Variants in NAALADL2 observed in about 807,000 individuals in gnomAD.
NAALADL2 encodes the protein N-acetylated alpha-linked acidic dipeptidase like 2.
Under a neutral mutation model 87.2 loss-of-function variants are expected in NAALADL2, and 76 were observed. The ratio of observed to expected loss-of-function variants is 0.87; its 90% CI spans 0.72 to 1.05. The LOEUF (loss-of-function observed/expected upper bound fraction) is 1.05, where lower values mean the gene tolerates loss of function less well. NAALADL2 is among the 50% of genes least tolerant of loss of function. The pLI is 0.00. For missense variants in NAALADL2, 1,089 were observed against 945.8 expected, an observed-to-expected ratio of 1.15 and a Z score of -1.99; for synonymous variants, 354 against 331.0, an observed-to-expected ratio of 1.07 and a Z score of -0.75.
At chr3:175,374,048 T>C (rs1046784944) in intron 5 of NAALADL2, among the ~76,000 whole-genome samples, 3 of 152,150 alleles carry the variant, frequency 2.0e-5, no homozygotes, top group Non-Finnish European at 2.9e-5. Context: ...ATGCAAGCCA[T>C]TTGTCAGATA....
chr3:175,385,663 T>A (rs1182163853), intron 5 of NAALADL2, among the ~76,000 whole-genome samples: 5 of 152,124 alleles, frequency 3.3e-5, no homozygotes, highest in Non-Finnish European at 7.4e-5. Flanking sequence ...GATAAATATT[T>A]CAGGTGACGG....
At chr3:175,357,048 A>C (rs1298837218) in intron 5 of NAALADL2, among the ~76,000 whole-genome samples, 1 of 152,046 alleles carries the variant, frequency 6.6e-6, no homozygotes, top group African/African-American at 2.4e-5. Flanking sequence ...TCAATCATTT[A>C]TCTTAACTCT....
intron 1 of NAALADL2, among the ~76,000 whole-genome samples, chr3:174,517,511 A>C (rs571493348): frequency 1.4e-4 from 21 of 152,128 alleles, no homozygotes; most frequent in Middle Eastern, 3.4e-3. Flanking sequence ...TTTTTTAATC[A>C]CTTTAAAAAT....
intron 2 of NAALADL2, among the ~76,000 whole-genome samples, chr3:174,610,716 T>G (rs1578309387): frequency 7.2e-6 from 1 of 138,444 alleles, no homozygotes; most frequent in East Asian, 2.3e-4. Flanking sequence ...ACACTGTTGT[T>G]GGGACCGTAA....
intron 2 of NAALADL2, among the ~76,000 whole-genome samples, chr3:175,158,900 CAG>C (rs1443668242): frequency 4.6e-5 from 7 of 151,876 alleles, no homozygotes; most frequent in African/African-American, 1.7e-4. Context: ...TTATTGAAAA[CAG>C]ATTATAAAAA....
rs371132083 is a variant in NAALADL2, at chr3:175,103,312, CTTCT to C, written c.545+6022_545+6025del. Among the ~76,000 whole-genome samples, 51 of 152,042 alleles carry C rather than the reference CTTCT, an allele frequency of 3.4e-4. 2 individuals are homozygous for C. In the East Asian group the frequency reaches 9.1e-3, roughly 27 times the overall value. On this transcript the variant is annotated intron_variant, in intron 2 of 13. Transcript: ENST00000454872. The stretch of plus-strand genomic sequence containing the variant: ...AAATGATCTTCTCCCTTTTCTCTTC[CTTCT>C]GTCTCCTCTTCCTCCTCCATTACTC...
chr3:175,737,964 C>A (rs1473138322), intron 12 of NAALADL2, among the ~76,000 whole-genome samples: 2 of 151,974 alleles, frequency 1.3e-5, no homozygotes, highest in African/African-American at 4.8e-5. Context: ...TGACCCCACC[C>A]TAATAATTAC....
intron 1 of NAALADL2, among the ~76,000 whole-genome samples, chr3:174,980,823 ATG>A (rs1745012694): frequency 1.8e-5 from 1 of 54,618 alleles, no homozygotes; most frequent in South Asian, 4.6e-4. Context: ...TTGATTTAGT[ATG>A]ATATATGTCT....
intron 10 of NAALADL2, among the ~76,000 whole-genome samples, chr3:175,624,298 T>C (rs1726677054): frequency 6.6e-6 from 1 of 152,044 alleles, no homozygotes; most frequent in Non-Finnish European, 1.5e-5. Context: ...TCCTCCTCAT[T>C]TTCCTGATCT....
At chr3:174,696,163 T>A (rs982156033) in intron 2 of NAALADL2, among the ~76,000 whole-genome samples, 4 of 152,024 alleles carry the variant, frequency 2.6e-5, no homozygotes, top group African/African-American at 9.7e-5. Context: ...AAGTATTACA[T>A]AGGATGAGTG....
At chr3:174,947,467 A>G (rs1019668305) in intron 1 of NAALADL2, among the ~76,000 whole-genome samples, 1 of 152,104 alleles carries the variant, frequency 6.6e-6, no homozygotes, top group Non-Finnish European at 1.5e-5. Context: ...TTAAGTGCTG[A>G]CCATGGTTAG....
At chr3:174,710,716 C>G (rs537292035) in intron 2 of NAALADL2, among the ~76,000 whole-genome samples, 1 of 152,262 alleles carries the variant, frequency 6.6e-6, no homozygotes, top group South Asian at 2.1e-4. Context: ...AAATTCCTAG[C>G]TGATAGCCAG....
chr3:174,667,766 A>G (rs1459049811), intron 2 of NAALADL2, among the ~76,000 whole-genome samples: 6 of 151,982 alleles, frequency 3.9e-5, no homozygotes, highest in African/African-American at 1.2e-4. Flanking sequence ...GGGGAGGTTA[A>G]AGGTTATAAT....
At chr3:175,013,069 A>G (rs1189212783) in intron 1 of NAALADL2, among the ~76,000 whole-genome samples, 2 of 109,668 alleles carry the variant, frequency 1.8e-5, no homozygotes, top group South Asian at 2.6e-4. Context: ...ACACATATAT[A>G]TAAATATGTA....
intron 1 of NAALADL2, among the ~76,000 whole-genome samples, chr3:174,958,191 C>A (rs1741433672): frequency 6.7e-6 from 1 of 149,508 alleles, no homozygotes; most frequent in Non-Finnish European, 1.5e-5. Flanking sequence ...ACAAGTCTAT[C>A]TTTGCCTAAT....
At chr3:174,488,832 C>T (rs532074618) in intron 1 of NAALADL2, among the ~76,000 whole-genome samples, 7 of 151,964 alleles carry the variant, frequency 4.6e-5, no homozygotes, top group Non-Finnish European at 8.8e-5. Flanking sequence ...AGACACCCCC[C>T]CTAACCTTTG....
chr3:174,674,708 T>C (rs1726884949), intron 2 of NAALADL2, among the ~76,000 whole-genome samples: 1 of 152,088 alleles, frequency 6.6e-6, no homozygotes, highest in Non-Finnish European at 1.5e-5. Flanking sequence ...TCTATTTTTT[T>C]ACACTATCAT....
At chr3:174,882,549 G>A (rs1487314565) in intron 1 of NAALADL2, among the ~76,000 whole-genome samples, 2 of 147,956 alleles carry the variant, frequency 1.4e-5, no homozygotes, top group Admixed American at 6.7e-5. Context: ...ACACACATAT[G>A]TACATATGTG....
chr3:174,901,889 G>GATTAGCTTCCTTACAGA (rs1183496317), intron 1 of NAALADL2, among the ~76,000 whole-genome samples: 1 of 152,174 alleles, frequency 6.6e-6, no homozygotes, highest in African/African-American at 2.4e-5. Flanking sequence ...ATGGCCCCAG[G>GATTAGCTTCCTTACAGA]ATTAGCTTCC....
Sources: gnomAD v4.1 joint callset for allele counts (sites outside exome capture counted in the v4.1 genomes callset) on GRCh38, gnomAD v4.1.1 for gene constraint, MANE v1.5 for transcripts, NCBI Gene and HGNC (gene_info 2026-07-23, HGNC 2026-07-21) for gene names.